Variants in MAGI3 observed in about 807,000 individuals in gnomAD.
The protein encoded by MAGI3 is membrane-associated guanylate kinase, WW and PDZ domain-containing protein 3.
Under a neutral mutation model 121.8 loss-of-function variants are expected in MAGI3, and 43 were observed. The ratio of observed to expected loss-of-function variants is 0.35; its 90% CI spans 0.28 to 0.46. The LOEUF (loss-of-function observed/expected upper bound fraction) is 0.46, where lower values mean the gene tolerates loss of function less well. Among genes scored for constraint, MAGI3 ranks in the 20% least tolerant of loss-of-function variants. The pLI, the probability that MAGI3 is intolerant of heterozygous loss-of-function variation, is 1.00. For synonymous variants in MAGI3, 553 were observed against 639.3 expected, an observed-to-expected ratio of 0.86 and a Z score of 2.04; for missense variants, 1,547 against 1,797.3, an observed-to-expected ratio of 0.86 and a Z score of 2.52.
At chr1:113,482,639 A>C (rs945940568) in intron 1 of MAGI3, among the ~76,000 whole-genome samples, 3 of 128,726 alleles carry the variant, frequency 2.3e-5, no homozygotes, top group Admixed American at 1.8e-4. Context: ...ACCAGACCTC[A>C]ACCTACTTTT....
rs537069797 is a variant in MAGI3, at chr1:113,583,777, A to G, written c.554-1610A>G. Among the ~76,000 whole-genome samples, 3 of 117,830 alleles carry G rather than the reference A, an allele frequency of 2.5e-5. No individual in the cohort carries two copies. In the South Asian group the frequency reaches 8.4e-4, roughly 33 times the overall value. 77.3% of individuals were successfully genotyped at this position (117,830 alleles called of 152,430 possible). ...TGCAGAAAGTTTAGTCTGTTTTCAT[A>G]CAAATCTTTGCATCCATCTGTATGA... On this transcript the variant is annotated intron_variant, in intron 3 of 20. Transcript: ENST00000307546.
intron 1 of MAGI3, among the ~76,000 whole-genome samples, chr1:113,481,894 A>G (rs925288911): frequency 2.0e-5 from 3 of 152,102 alleles, no homozygotes; most frequent in Non-Finnish European, 4.4e-5. Flanking sequence ...TGGAGATATT[A>G]GGGGAAAACT....
chr1:113,505,718 T>A (rs1657295315), intron 1 of MAGI3, among the ~76,000 whole-genome samples: 1 of 152,080 alleles, frequency 6.6e-6, no homozygotes, highest in South Asian at 2.1e-4. Context: ...AAGAGCTGAA[T>A]GAAATGAAGA....
At chr1:113,509,621 T>C (rs1487283685) in intron 1 of MAGI3, among the ~76,000 whole-genome samples, 7 of 118,484 alleles carry the variant, frequency 5.9e-5, no homozygotes, top group East Asian at 4.6e-4. Context: ...CACCCGACCA[T>C]ACTTTCAGTC....
At chr1:113,478,925 G>A (rs901647013) in intron 1 of MAGI3, among the ~76,000 whole-genome samples, 2 of 152,170 alleles carry the variant, frequency 1.3e-5, no homozygotes, top group South Asian at 4.1e-4. Flanking sequence ...TCCCCAAGCC[G>A]CTTTGTTTAC....
chr1:113,454,700 G>A (rs2101497314), intron 1 of MAGI3, among the ~76,000 whole-genome samples: 1 of 151,908 alleles, frequency 6.6e-6, no homozygotes, highest in South Asian at 2.1e-4. Context: ...CTGTCTCTAT[G>A]TGTTCTCATT....
chr1:113,632,702 G>T (rs1651709711), intron 9 of MAGI3, among the ~76,000 whole-genome samples: 2 of 152,092 alleles, frequency 1.3e-5, no homozygotes, highest in Admixed American at 1.3e-4. Context: ...TGCTTCTGTT[G>T]AATTTTTTGT....
Position 113,683,694 on chromosome 1 carries a change from A to G in MAGI3, c.4126A>G (p.Ser1376Gly). Residue 1376 changes from serine to glycine, a missense_variant, in exon 21 of 21, where the codon AGT (serine) becomes GGT (glycine). By Grantham distance (56) the Ser-to-Gly change is moderately conservative (BLOSUM62 0). Coordinates refer to ENST00000307546, the MANE Select transcript of MAGI3 (RefSeq NM_001142782.2). ...ATCCAAAATGACTAATAAGACTACA[A>G]GTAAAGAAGTATCTGAAAATGAAAA... ...LPSKMTNKTTSKEVSENEKGK... is the reference protein window; with the variant it reads ...LPSKMTNKTTGKEVSENEKGK... 1.2e-6 allele frequency: 2 copies of G among 1,600,706 alleles called. No homozygotes were observed. The highest frequency in any genetic ancestry group is 1.3e-5 in the African/African-American group (1 of 74,444).
In MAGI3 at chr1:113,659,197, A is replaced by G. The variant is rs1308385671; in HGVS notation, c.2747A>G (p.His916Arg). Residue 916 changes from histidine (H) to arginine (R), a missense_variant, in exon 16 of 21, where the codon CAT (histidine) becomes CGT (arginine). Transcript: ENST00000307546. ...VNGQSIVELS[H>R]DNIVQLIKDA... is the part of the protein sequence containing the mutation. The stretch of plus-strand genomic sequence containing the variant: ...GGGCAGTCCATTGTTGAACTGTCTC[A>G]TGATAACATTGTTCAGCTGATCAAA... 2 of 1,613,874 alleles carry G rather than the reference A, an allele frequency of 1.2e-6. No homozygotes were observed. Among genetic ancestry groups the G allele is most frequent in the Admixed American group, 3.3e-5 (2 of 59,998 alleles).
chr1:113,444,004 G>A (rs535655173), intron 1 of MAGI3, among the ~76,000 whole-genome samples: 1 of 152,344 alleles, frequency 6.6e-6, no homozygotes, highest in East Asian at 1.9e-4. Flanking sequence ...TGCACTGGCA[G>A]AATCTGTCTG....
intron 6 of MAGI3, among the ~76,000 whole-genome samples, chr1:113,605,599 C>T (rs1649708255): frequency 6.6e-6 from 1 of 152,068 alleles, no homozygotes; most frequent in Non-Finnish European, 1.5e-5. Context: ...TGAACAAGCA[C>T]TCGATTTTTT....
At chr1:113,412,945 C>T (rs940407120) in intron 1 of MAGI3, among the ~76,000 whole-genome samples, 1 of 152,114 alleles carries the variant, frequency 6.6e-6, no homozygotes. Context: ...GTCATGAAGT[C>T]CTTGCCCATG....
At chr1:113,530,093 TTTG>T (rs1658633434) in intron 1 of MAGI3, among the ~76,000 whole-genome samples, 1 of 152,148 alleles carries the variant, frequency 6.6e-6, no homozygotes, top group African/African-American at 2.4e-5. Flanking sequence ...AGCAGCATCT[TTTG>T]TTGTTTCCCT....
intron 1 of MAGI3, among the ~76,000 whole-genome samples, chr1:113,487,462 C>A (rs1340189180): frequency 2.6e-5 from 4 of 152,024 alleles, no homozygotes; most frequent in Non-Finnish European, 5.9e-5. Context: ...AAAATCAGAT[C>A]TTGGTGATAA....
At chr1:113,485,262 G>T (rs1425357729) in intron 1 of MAGI3, among the ~76,000 whole-genome samples, 1 of 152,084 alleles carries the variant, frequency 6.6e-6, no homozygotes, top group Non-Finnish European at 1.5e-5. Context: ...GTGATTGTTT[G>T]CATTCCCACC....
chr1:113,578,673 G>A (rs1171141043), intron 2 of MAGI3, among the ~76,000 whole-genome samples: 1 of 152,008 alleles, frequency 6.6e-6, no homozygotes, highest in African/African-American at 2.4e-5. Flanking sequence ...ATTTAATATG[G>A]AGCTAAGAAG....
rs762705100 is a variant in MAGI3 at position 113,549,597 on chromosome 1, G to A, written c.399G>A (p.Val133=). ...KGSIDHKLQQ[V]IRDNLYLRTI... ...CAATTGACCACAAACTGCAGCAAGT[G>A]ATCAGAGATAATCTCTACTTGAGAA... Residue 133 remains valine (V), a synonymous_variant, in exon 2 of 21, where the codon GTG becomes GTA. Coordinates refer to ENST00000307546, the MANE Select transcript of MAGI3 (RefSeq NM_001142782.2). 6.2e-7 allele frequency: 1 copy of A among 1,606,454 alleles called. No individual in the cohort carries two copies. The highest frequency in any genetic ancestry group is 8.5e-7 in the Non-Finnish European group (1 of 1,175,410).
intron 1 of MAGI3, among the ~76,000 whole-genome samples, chr1:113,534,556 C>G (rs1658876830): frequency 6.6e-6 from 1 of 152,216 alleles, no homozygotes; most frequent in Non-Finnish European, 1.5e-5. Flanking sequence ...CAATTATTTT[C>G]TCTTGGGTAC....
At chr1:113,616,067 G>T (rs557831871) in intron 7 of MAGI3, among the ~76,000 whole-genome samples, 14 of 152,198 alleles carry the variant, frequency 9.2e-5, no homozygotes, top group Admixed American at 2.6e-4. Context: ...TTGAATACAT[G>T]GTCAAAAGGT....
Sources: allele counts gnomAD v4.1 joint callset (sites outside exome capture counted in the v4.1 genomes callset), GRCh38; gene constraint gnomAD v4.1.1; transcripts MANE v1.5; gene names NCBI Gene and HGNC (gene_info 2026-07-23, HGNC 2026-07-21).